The following IMPDH1 variants were observed in gnomAD, a reference collection of about 807,000 sequenced individuals.
IMPDH1 encodes the protein inosine-5'-monophosphate dehydrogenase 1.
Under a neutral mutation model 73.5 loss-of-function variants are expected in IMPDH1, and 41 were observed. The ratio of observed to expected loss-of-function variants is 0.56; its 90% CI spans 0.43 to 0.72. The LOEUF is 0.72. IMPDH1 is among the 30% of genes least tolerant of loss of function. IMPDH1 has a pLI of 0.00. For missense variants in IMPDH1, 645 were observed against 824.8 expected (o/e 0.78, Z 2.67); for synonymous variants, 318 against 334.3 (o/e 0.95, Z 0.53).
chr7:128,408,809 A>T (rs949850036), intron 3 of IMPDH1, among the ~76,000 whole-genome samples: 1 of 152,152 alleles, frequency 6.6e-6, no homozygotes, highest in African/African-American at 2.4e-5. Context: ...AAAGGCTGGG[A>T]GTTGCCTAAG....
rs777576501 is a variant in IMPDH1, at chr7:128,394,965, G to A, written c.1474C>T (p.Arg492Trp). ...CCCATGCCCCGGTACTTCTTGAGCC[G>A]CACCCCGTCTGAGAAGAAGTACTCG... ...PGEYFFSDGVRLKKYRGMGSL... is the reference protein window; with the variant it reads ...PGEYFFSDGVWLKKYRGMGSL... The change falls in exon 14 of 17, where the codon CGG (arginine) becomes TGG (tryptophan). Residue 492 changes from arginine (R) to tryptophan (W), a missense_variant. Coordinates refer to ENST00000338791, the MANE Select transcript of IMPDH1 (RefSeq NM_000883.4). This position sits in a 1 kb window ranked among gnomAD's most constrained non-coding sequence, Gnocchi z 5.5. 31 of 1,613,668 alleles carry A rather than the reference G, an allele frequency of 1.9e-5. No homozygotes were observed. In the East Asian group the frequency reaches 2.9e-4, roughly 15 times the overall value.
At chr7:128,407,090 C>G (rs1450179372) in intron 3 of IMPDH1, among the ~76,000 whole-genome samples, 1 of 152,212 alleles carries the variant, frequency 6.6e-6, no homozygotes, top group East Asian at 1.9e-4. Flanking sequence ...GTGGGTCCCC[C>G]CACCCAGACT....
In IMPDH1 at chr7:128,394,016, G is replaced by C. The variant is rs1233900617; in HGVS notation, c.1778+262C>G. Among the ~76,000 whole-genome samples the C allele has an allele frequency of 6.6e-6, 1 of 152,186 alleles. No homozygotes were observed. The highest frequency in any genetic ancestry group is 1.5e-5 in the Non-Finnish European group (1 of 68,034). ...TGAGCAAGCAAGGGCTGGGAGTCCA[G>C]GTGCAGTGACTGGCCACACCTCCTG... On this transcript the variant is annotated intron_variant, in intron 16 of 16. Coordinates refer to ENST00000338791, the MANE Select transcript of IMPDH1 (RefSeq NM_000883.4). This position sits in a 1 kb window ranked among gnomAD's most constrained non-coding sequence, Gnocchi z 5.5.
Position 128,409,760 on chromosome 7 carries a change from C to T in IMPDH1, c.142G>A (p.Glu48Lys). The T allele has an allele frequency of 6.6e-6, 10 of 1,523,170 alleles. No individual in the cohort carries two copies. Among genetic ancestry groups the T allele is most frequent in the South Asian group, 1.2e-5 (1 of 83,028 alleles). The allele number at this position is 1,523,170 out of a possible 1,614,324, so 94.4% of individuals were successfully genotyped here. The change falls in exon 1 of 17, where the codon GAG becomes AAG. Residue 48 changes from glutamate to lysine, a missense_variant. Around this residue, in one of 2 missense-constraint regions of IMPDH1, gnomAD observed 186 missense variants for 186.6 expected, o/e 1.00. Coordinates refer to ENST00000338791, the MANE Select transcript of IMPDH1 (RefSeq NM_000883.4). The part of the protein sequence containing the change: ...ARLLQAGYEP[E>K]SPRLDLATHP... ...GCGCTCTGCCCTGGGCGTCACCTCT[C>T]GGGCTCGTAGCCGGCCTGCAGCAGT...
intron 9 of IMPDH1, among the ~76,000 whole-genome samples, chr7:128,399,043 G>C (rs1798128129): frequency 6.6e-6 from 1 of 152,174 alleles, no homozygotes; most frequent in Non-Finnish European, 1.5e-5. Flanking sequence ...ACAGGGACCT[G>C]GTGAATATTT....
chr7:128,401,861 G>C (rs1798361860), intron 5 of IMPDH1, among the ~76,000 whole-genome samples: 2 of 152,160 alleles, frequency 1.3e-5, no homozygotes, highest in African/African-American at 4.8e-5. Flanking sequence ...AAAGGCCAGA[G>C]CACATACCCC....
chr7:128,400,980 G>A (rs749530290), intron 6 of IMPDH1, 35 bp downstream of exon 6: 2 of 1,599,380 alleles, frequency 1.3e-6, no homozygotes, highest in African/African-American at 1.3e-5. Flanking sequence ...CAGTTCCTGT[G>A]TGCCCTGGAG....
rs1302156705 is a variant in IMPDH1, at chr7:128,396,014, G to A, written c.1261+586C>T. On this transcript the variant is annotated intron_variant, in intron 12 of 16. Transcript: ENST00000338791. This position sits in a 1 kb window ranked among gnomAD's most constrained non-coding sequence, Gnocchi z 4.0. ...TTTTGGAGAAATTGCCCTCACAGGAGGGGCCGGGTACATCTCCTCAGGCCA... is the reference window on the plus strand; with the variant it reads ...TTTTGGAGAAATTGCCCTCACAGGAAGGGCCGGGTACATCTCCTCAGGCCA... Among the ~76,000 whole-genome samples the A allele has an allele frequency of 6.6e-6, 1 of 152,144 alleles. No individual in the cohort carries two copies. The highest frequency in any genetic ancestry group is 1.9e-4 in the East Asian group (1 of 5,188).
chr7:128,392,848 G>A lies in IMPDH1; in HGVS notation c.*159C>T, dbSNP rs1478858258. The A allele has an allele frequency of 4.3e-6, 3 of 701,398 alleles. No homozygotes were observed. The highest frequency in any genetic ancestry group is 7.5e-6 in the Non-Finnish European group (3 of 402,278). The allele number at this position is 701,398 out of a possible 1,614,324, so 43.4% of individuals were successfully genotyped here. A position where few individuals can be genotyped will look rare whatever the true frequency, so the allele number is the denominator to read the frequency against. Reference sequence around the variant, plus strand: ...ACTCTGCAGGGGATGCCGAGTGAGGGGCAGCAGTCCCCTCAGGACCTCCCC... The same window carrying A: ...ACTCTGCAGGGGATGCCGAGTGAGGAGCAGCAGTCCCCTCAGGACCTCCCC... On this transcript the variant is annotated 3_prime_UTR_variant, in exon 17 of 17. Coordinates refer to ENST00000338791, the MANE Select transcript of IMPDH1 (RefSeq NM_000883.4).
At chr7:128,393,942 C>CT (rs1797718384) in intron 16 of IMPDH1, among the ~76,000 whole-genome samples, 2 of 152,146 alleles carry the variant, frequency 1.3e-5, no homozygotes. Flanking sequence ...CATCTTCTGC[C>CT]TGGCTGCCTG....
intron 5 of IMPDH1, among the ~76,000 whole-genome samples, chr7:128,402,587 G>C (rs1179206446): frequency 2.0e-5 from 3 of 152,226 alleles, no homozygotes; most frequent in African/African-American, 7.2e-5. Context: ...GTCAGCTCTG[G>C]CTAAACACCA....
chr7:128,403,915 G>A (rs1480529850), intron 4 of IMPDH1, among the ~76,000 whole-genome samples, 161 bp from the exon 5 acceptor site: 3 of 152,320 alleles, frequency 2.0e-5, no homozygotes, highest in Admixed American at 2.0e-4. Flanking sequence ...TTCCCACCTC[G>A]TGCACCTCAC....
rs1457457563 is a variant in IMPDH1, at chr7:128,396,982, A to C, written c.1115T>G (p.Val372Gly). ...QGNSVYQIAM[V>G]HYIKQKYPHL... Reference sequence around the variant, plus strand: ...GGGGTACTTCTGTTTGATGTAATGCACCATGGCGATCTGATACACCGAATT... The same window carrying C: ...GGGGTACTTCTGTTTGATGTAATGCCCCATGGCGATCTGATACACCGAATT... Residue 372 changes from valine (V) to glycine (G), a missense_variant, in exon 11 of 17, where the codon GTG (valine) becomes GGG (glycine). Physicochemically the swap from Val to Gly is moderately radical, Grantham distance 109 (BLOSUM62 -3). Transcript: ENST00000338791. This position sits in a 1 kb window ranked among gnomAD's most constrained non-coding sequence, Gnocchi z 4.0. 2.5e-6 allele frequency: 4 copies of C among 1,613,888 alleles called. No homozygotes were observed. Among genetic ancestry groups the C allele is most frequent in the African/African-American group, 1.3e-5 (1 of 74,908 alleles).
chr7:128,393,207 C>T (rs901268203), intron 16 of IMPDH1, among the ~76,000 whole-genome samples, 179 bp from the exon 17 acceptor site: 1 of 152,252 alleles, frequency 6.6e-6, no homozygotes, highest in Non-Finnish European at 1.5e-5. Context: ...TGTCCTCCCC[C>T]AGGCCAGCAT....
intron 5 of IMPDH1, among the ~76,000 whole-genome samples, chr7:128,402,725 T>C (rs1260167870): frequency 3.3e-5 from 5 of 152,156 alleles, no homozygotes; most frequent in African/African-American, 9.6e-5. Flanking sequence ...TTTTTTTTAA[T>C]GTATATGAAT....
chr7:128,394,503 G>A lies in IMPDH1; in HGVS notation c.1647C>T (p.Ile549=). The change falls in exon 15 of 17, where the codon ATC becomes ATT. Residue 549 remains isoleucine (I), a synonymous_variant. Transcript: ENST00000338791. The surrounding 1 kb of genome is among the most constrained non-coding windows in gnomAD (Gnocchi z 5.5). ...CCCCGATATCCTGGCAGCCGTGTTG[G>A]ATGCCTGCTATGAGGTAGGGCACGA... ...QKFVPYLIAG[I]QHGCQDIGAR... is the part of the protein sequence containing the mutation. 1 of 1,614,058 alleles carries A rather than the reference G, an allele frequency of 6.2e-7. No homozygotes were observed. Among genetic ancestry groups the A allele is most frequent in the South Asian group, 1.1e-5 (1 of 91,070 alleles).
intron 3 of IMPDH1, among the ~76,000 whole-genome samples, chr7:128,407,329 G>A (rs1433333054): frequency 1.3e-5 from 2 of 152,222 alleles, no homozygotes; most frequent in Admixed American, 1.3e-4. Context: ...TGATGCCCCC[G>A]GGACCCTGCC....
Position 128,403,696 on chromosome 7 carries a change from A to G in IMPDH1, c.402+10T>C. The stretch of plus-strand genomic sequence containing the variant: ...AGCCCCCTCCCCTTGTCAAAGGAAG[A>G]GGTACTCACCACCTCATCAGCTATG... On this transcript the variant is annotated intron_variant, in intron 5 of 16. Transcript: ENST00000338791. 1.2e-6 allele frequency: 2 copies of G among 1,612,444 alleles called. No homozygotes were observed. Among genetic ancestry groups the G allele is most frequent in the Admixed American group, 1.7e-5 (1 of 60,032 alleles).
intron 4 of IMPDH1, among the ~76,000 whole-genome samples, chr7:128,404,565 A>ATGAAC (rs1196232526): frequency 6.6e-6 from 1 of 152,056 alleles, no homozygotes; most frequent in East Asian, 1.9e-4. Flanking sequence ...CAGGAACACT[A>ATGAAC]TGAACTGAGC....
Sources: gnomAD v4.1 joint callset for allele counts (sites outside exome capture counted in the v4.1 genomes callset) on GRCh38, gnomAD v4.1.1 for gene constraint, gnomAD v4.1.1 regional missense constraint, Gnocchi (gnomAD v3.1) non-coding constraint, MANE v1.5 for transcripts, NCBI Gene and HGNC (gene_info 2026-07-23, HGNC 2026-07-21) for gene names.